Variants in SHOC1 observed in about 807,000 individuals in gnomAD.
The protein encoded by SHOC1 is protein shortage in chiasmata 1 ortholog.
SHOC1 carries 136 observed loss-of-function variants against 179.2 expected under a neutral mutation model. The ratio of observed to expected loss-of-function variants is 0.76; its 90% confidence interval spans 0.66 to 0.87. The LOEUF (loss-of-function observed/expected upper bound fraction) is 0.87, where lower values mean the gene tolerates loss of function less well. SHOC1 is among the 40% of genes least tolerant of loss of function. SHOC1 has a pLI of 0.00. For synonymous variants in SHOC1, 489 were observed against 586.6 expected (o/e 0.83, Z 2.41); for missense variants, 1,538 against 1,700.8 (o/e 0.90, Z 1.68).
At chr9:111,779,922 A>C (rs1835973530) in intron 4 of SHOC1, among the ~76,000 whole-genome samples, 1 of 152,224 alleles carries the variant, frequency 6.6e-6, no homozygotes, top group Non-Finnish European at 1.5e-5. Context: ...TTTCCAGTCA[A>C]GGCTTAAAAG....
intron 16 of SHOC1, among the ~76,000 whole-genome samples, chr9:111,717,449 C>T (rs1025837390): frequency 6.6e-6 from 1 of 151,936 alleles, no homozygotes; most frequent in African/African-American, 2.4e-5. Flanking sequence ...CAAAATTAGC[C>T]AGGCATGGTG....
At chr9:111,775,477 A>G (rs1477580218) in intron 5 of SHOC1, among the ~76,000 whole-genome samples, 1 of 152,176 alleles carries the variant, frequency 6.6e-6, no homozygotes, top group Non-Finnish European at 1.5e-5. Context: ...GTAATTTAAT[A>G]TTACACTGGA....
At chr9:111,689,899 T>C (rs1225626388) in intron 27 of SHOC1, among the ~76,000 whole-genome samples, 1 of 152,184 alleles carries the variant, frequency 6.6e-6, no homozygotes, top group Non-Finnish European at 1.5e-5. Flanking sequence ...GGTCTTCTCA[T>C]TGGAAAATGG....
At chr9:111,752,481 A>C (rs1834638943) in intron 8 of SHOC1, among the ~76,000 whole-genome samples, 3 of 152,206 alleles carry the variant, frequency 2.0e-5, no homozygotes, top group African/African-American at 7.2e-5. Flanking sequence ...CTTCAAAGGA[A>C]GATAGCAAAC....
intron 24 of SHOC1, among the ~76,000 whole-genome samples, chr9:111,698,288 A>G (rs1831802301): frequency 6.6e-6 from 1 of 152,134 alleles, no homozygotes; most frequent in Non-Finnish European, 1.5e-5. Flanking sequence ...CCTGAATGGT[A>G]TTGCCTAGGT....
At chr9:111,776,927 G>A (rs1835856664) in intron 4 of SHOC1, among the ~76,000 whole-genome samples, 3 of 152,164 alleles carry the variant, frequency 2.0e-5, no homozygotes, top group African/African-American at 7.2e-5. Context: ...CCAGCTGTGC[G>A]GGACACCGGT....
At chr9:111,782,318 G>A (rs1836095008) in intron 3 of SHOC1, among the ~76,000 whole-genome samples, 1 of 152,144 alleles carries the variant, frequency 6.6e-6, no homozygotes, top group African/African-American at 2.4e-5. Context: ...ATGATCTTGG[G>A]TAAACATCTC....
intron 4 of SHOC1, among the ~76,000 whole-genome samples, chr9:111,777,229 G>A (rs1835870358): frequency 6.6e-6 from 1 of 152,150 alleles, no homozygotes; most frequent in South Asian, 2.1e-4. Context: ...TTATCCCGAG[G>A]AACAATTTGG....
At chr9:111,757,613 A>C (rs1233153322) in intron 7 of SHOC1, among the ~76,000 whole-genome samples, 1 of 152,208 alleles carries the variant, frequency 6.6e-6, no homozygotes, top group East Asian at 1.9e-4. Flanking sequence ...ATCCTTGTTA[A>C]ACACTGGCAG....
intron 9 of SHOC1, 64 bp from the exon 10 acceptor site, chr9:111,746,406 G>A: frequency 9.9e-7 from 1 of 1,011,796 alleles, no homozygotes; most frequent in Non-Finnish European, 1.5e-6. Context: ...TAGGCGTGGT[G>A]GCTCACACCT....
intron 3 of SHOC1, among the ~76,000 whole-genome samples, chr9:111,781,750 A>AAATTAATTAATTAATTAATT (rs1554724111): frequency 0.013 from 1,957 of 150,992 alleles, 23 homozygotes; most frequent in Non-Finnish European, 0.021. Context: ...ATAAATAAAT[A>AAATTAATTAATTAATTAATT]AATTTGTATG....
At position 111,686,814 on chromosome 9, in the gene SHOC1, C is replaced by T; in HGVS notation, c.4483G>A (p.Val1495Ile). Reference protein sequence around the residue: ...FKKRRLAYEKVPGRVDGQTRL... With the variant: ...FKKRRLAYEKIPGRVDGQTRL... ...GTCTGCCCATCAACTCTACCAGGGA[C>T]TTTTTCATATGCTAGACGTCGTTTT... Residue 1495 changes from valine to isoleucine, a missense_variant, in exon 28 of 28, where the codon GTC becomes ATC. Transcript: ENST00000682961. 6.2e-7 allele frequency: 1 copy of T among 1,613,482 alleles called. No homozygotes were observed. The highest frequency in any genetic ancestry group is 8.5e-7 in the Non-Finnish European group (1 of 1,179,672).
At chr9:111,703,672 T>G (rs1832093786) in intron 22 of SHOC1, among the ~76,000 whole-genome samples, 1 of 152,286 alleles carries the variant, frequency 6.6e-6, no homozygotes, top group Non-Finnish European at 1.5e-5. Flanking sequence ...TTGCCCTATC[T>G]TCTTAAAGTA....
intron 5 of SHOC1, chr9:111,759,481 T>TCGCCGGGCG: frequency 8.0e-7 from 1 of 1,253,276 alleles, no homozygotes; most frequent in South Asian, 3.5e-5. Flanking sequence ...ATTTCTCCTC[T>TCGCCGGGCG]CGGTCTCCAC....
intron 5 of SHOC1, among the ~76,000 whole-genome samples, chr9:111,769,986 G>GTTTTTTTTTTTTTTCTTTTTTTTTTTTTT (rs1835523856): frequency 1.3e-5 from 1 of 77,662 alleles, no homozygotes; most frequent in Non-Finnish European, 2.4e-5. Context: ...TTTTTTTTTT[G>GTTTTTTTTTTTTTTCTTTTTTTTTTTTTT]TTTTTTTTTT....
intron 5 of SHOC1, among the ~76,000 whole-genome samples, chr9:111,773,724 C>A (rs1835714076): frequency 6.6e-6 from 1 of 152,054 alleles, no homozygotes; most frequent in Non-Finnish European, 1.5e-5. Flanking sequence ...AATATGTGAA[C>A]ATTGTAGAAA....
chr9:111,772,286 T>C (rs1374760913), intron 5 of SHOC1, among the ~76,000 whole-genome samples: 1 of 152,190 alleles, frequency 6.6e-6, no homozygotes, highest in African/African-American at 2.4e-5. Context: ...AAATTCTCTT[T>C]GTTAAATTTC....
chr9:111,753,814 T>C (rs901759913), intron 8 of SHOC1, among the ~76,000 whole-genome samples: 5 of 152,112 alleles, frequency 3.3e-5, no homozygotes, highest in African/African-American at 1.2e-4. Context: ...CTGCCTAATA[T>C]TACCACTTCT....
chr9:111,733,049 G>C (rs1248304697), intron 12 of SHOC1, among the ~76,000 whole-genome samples: 2 of 150,836 alleles, frequency 1.3e-5, no homozygotes, highest in African/African-American at 4.9e-5. Context: ...CTTTTTTTTG[G>C]CTCATTCTAA....
Sources: allele counts gnomAD v4.1 joint callset (sites outside exome capture counted in the v4.1 genomes callset), GRCh38; gene constraint gnomAD v4.1.1; transcripts MANE v1.5; gene names NCBI Gene and HGNC (gene_info 2026-07-23, HGNC 2026-07-21).